Variants in DMD observed in about 807,000 individuals in gnomAD.
DMD encodes mutant dystrophin.
In DMD, 63 loss-of-function variants were observed where a neutral mutation model predicts 330.1. The observed-to-expected ratio is 0.19, with a 90% CI of 0.16 to 0.24. The LOEUF (loss-of-function observed/expected upper bound fraction) is 0.24. DMD is among the 10% of genes least tolerant of loss of function. DMD has a pLI of 1.00. For missense variants in DMD, 3,344 were observed against 2,684.1 expected (o/e 1.25, Z -5.43); for synonymous variants, 1,223 against 959.8 (o/e 1.27, Z -5.07).
At chrX:32,163,005 A>G (rs1452628185) in intron 44 of DMD, among the ~76,000 whole-genome samples, 2 of 111,347 alleles carry the variant, frequency 1.8e-5, no homozygotes, top group African/African-American at 3.3e-5. Context: ...CTTTCATCCA[A>G]CTGCACTCTT....
At chrX:32,061,872 A>G (rs1435171625) in intron 44 of DMD, among the ~76,000 whole-genome samples, 2 of 111,604 alleles carry the variant, frequency 1.8e-5, no homozygotes, top group African/African-American at 6.5e-5. Context: ...CCTATAGCTA[A>G]GAAACCAATG....
Position 32,825,486 on chromosome X carries a change from A to C in DMD, c.265-2099T>G, listed in dbSNP as rs148867261. ...ACAACAGAAGGTCACATAATAAAAA[A>C]GTATCTACCATTAGGCTCTAGCAAT... On this transcript the variant is annotated intron_variant, in intron 4 of 78. Coordinates refer to ENST00000357033, the MANE Select transcript of DMD (RefSeq NM_004006.3). Among the ~76,000 whole-genome samples, 181 of 112,131 alleles carry C rather than the reference A, an allele frequency of 1.6e-3. 1 individual carries two copies. In the East Asian group the frequency reaches 0.038, roughly 24 times the overall value.
chrX:33,078,719 G>A (rs2094881211), intron 1 of DMD, among the ~76,000 whole-genome samples: 1 of 112,050 alleles, frequency 8.9e-6, no homozygotes, highest in Admixed American at 9.5e-5. Context: ...TAAAATGTCT[G>A]TGGATGACAA....
Position 32,688,086 on chromosome X carries a change from A to G in DMD, c.960+9784T>C, listed in dbSNP as rs746910886. Among the ~76,000 whole-genome samples the G allele has an allele frequency of 3.6e-5, 4 of 112,311 alleles. No homozygotes were observed. In the South Asian group the frequency reaches 1.5e-3, roughly 42 times the overall value. On this transcript the variant is annotated intron_variant, in intron 9 of 78. Transcript: ENST00000357033. ...CATGTGGAGATCCAAACAAACTATT[A>G]ATGATTACAAATAAGCCGCCCTGAC...
intron 61 of DMD, among the ~76,000 whole-genome samples, chrX:31,323,872 GA>G (rs200476648): frequency 1.2e-4 from 12 of 104,290 alleles, no homozygotes; most frequent in Admixed American, 5.1e-4. Context: ...TAAATGCGAA[GA>G]AAAAAAAAAC....
At chrX:33,263,633 TA>T (rs2052996407) in intron 1 of DMD, among the ~76,000 whole-genome samples, 1 of 109,242 alleles carries the variant, frequency 9.2e-6, no homozygotes, top group African/African-American at 3.3e-5. Context: ...GCACCATTCA[TA>T]ATACTATTAT....
chrX:33,095,221 A>G (rs1382533730), intron 1 of DMD, among the ~76,000 whole-genome samples: 1 of 112,707 alleles, frequency 8.9e-6, no homozygotes, highest in Non-Finnish European at 1.9e-5. Context: ...ATATGTACAT[A>G]TGGAAAATAG....
At position 32,699,250 on chromosome X, in the gene DMD, G is replaced by A. The variant is rs374222301; in HGVS notation, c.693C>T (p.Tyr231=). ...GCAAAACTTGGAAGAGTGATGTGATGTACATTAAGATGGACTTCTTATCTG... is the reference window on the plus strand; with the variant it reads ...GCAAAACTTGGAAGAGTGATGTGATATACATTAAGATGGACTTCTTATCTG... ...TYPDKKSILM[Y]ITSLFQVLPQ... is the part of the protein sequence containing the mutation. Residue 231 remains tyrosine (Y), a synonymous_variant, in exon 8 of 79, where the codon TAC becomes TAT. Transcript: ENST00000357033. 11 of 1,207,313 alleles carry A rather than the reference G, an allele frequency of 9.1e-6. No homozygotes were observed. The highest frequency in any genetic ancestry group is 1.2e-5 in the Non-Finnish European group (11 of 892,944).
intron 63 of DMD, among the ~76,000 whole-genome samples, chrX:31,242,302 A>C (rs1370777635): frequency 3.0e-5 from 3 of 99,237 alleles, no homozygotes; most frequent in African/African-American, 1.1e-4. Flanking sequence ...TCTGGAGTAG[A>C]TTCTCAGAGA....
intron 44 of DMD, among the ~76,000 whole-genome samples, chrX:32,173,618 A>G (rs2096896221): frequency 9.0e-6 from 1 of 110,861 alleles, no homozygotes; most frequent in Admixed American, 9.6e-5. Flanking sequence ...TGATCTGCCC[A>G]CCTCGGCCTC....
intron 1 of DMD, among the ~76,000 whole-genome samples, chrX:33,264,306 T>G (rs2053007143): frequency 9.1e-6 from 1 of 109,452 alleles, no homozygotes; most frequent in African/African-American, 3.3e-5. Flanking sequence ...TTCAAGGGAG[T>G]AGGTGACGAA....
intron 30 of DMD, among the ~76,000 whole-genome samples, chrX:32,400,465 G>C (rs770825026): frequency 9.0e-6 from 1 of 110,863 alleles, no homozygotes; most frequent in African/African-American, 3.3e-5. Flanking sequence ...GAATGATGCT[G>C]GCCTCATAAA....
In DMD at chrX:32,144,625, A is replaced by G. The variant is rs766119289; in HGVS notation, c.6438+72291T>C. Among the ~76,000 whole-genome samples the G allele has an allele frequency of 4.4e-5, 5 of 112,490 alleles. No individual in the cohort carries two copies. In the East Asian group the frequency reaches 1.4e-3, roughly 31 times the overall value. ...GAGTACACTGATGAGGATCTTTGAGAAAATTAAAAATGAAAACAATAATAA... is the reference window on the plus strand; with the variant it reads ...GAGTACACTGATGAGGATCTTTGAGGAAATTAAAAATGAAAACAATAATAA... On this transcript the variant is annotated intron_variant, in intron 44 of 78. Coordinates refer to ENST00000357033, the MANE Select transcript of DMD (RefSeq NM_004006.3).
rs748690103 is a variant in DMD at position 32,573,795 on chromosome X, C to T, written c.1654G>A (p.Val552Ile). The change falls in exon 14 of 79, where the codon GTT (valine) becomes ATT (isoleucine). Residue 552 changes from valine (V) to isoleucine (I), a missense_variant. Coordinates refer to ENST00000357033, the MANE Select transcript of DMD (RefSeq NM_004006.3). ...NICRWTEDRWVLLQDILLKWQ... is the reference protein window; with the variant it reads ...NICRWTEDRWILLQDILLKWQ... The stretch of plus-strand genomic sequence containing the variant: ...TTGAGAAGGATGTCTTGTAAAAGAA[C>T]CCAGCGGTCTTCTGTCCATCTACAG... 2 of 1,211,594 alleles carry T rather than the reference C, an allele frequency of 1.7e-6. No individual in the cohort carries two copies. The highest frequency in any genetic ancestry group is 4.4e-5 in the Admixed American group (2 of 45,973).
chrX:33,070,142 A>T (rs748250998), intron 1 of DMD, among the ~76,000 whole-genome samples: 1 of 112,057 alleles, frequency 8.9e-6, no homozygotes, highest in South Asian at 3.7e-4. Flanking sequence ...AAGCCATTCT[A>T]ATATGTTAAA....
intron 44 of DMD, among the ~76,000 whole-genome samples, chrX:32,009,855 G>A (rs934189900): frequency 2.7e-5 from 3 of 112,095 alleles, no homozygotes; most frequent in African/African-American, 9.7e-5. Context: ...ACCACATGGT[G>A]ATAAAAATAG....
At chrX:33,028,476 A>G (rs1233490747) in intron 1 of DMD, among the ~76,000 whole-genome samples, 1 of 112,143 alleles carries the variant, frequency 8.9e-6, no homozygotes, top group Non-Finnish European at 1.9e-5. Flanking sequence ...TAAACATATT[A>G]TCGATTAGGC....
chrX:31,685,648 T>C (rs2082643666), intron 52 of DMD, among the ~76,000 whole-genome samples: 1 of 112,465 alleles, frequency 8.9e-6, no homozygotes, highest in South Asian at 3.7e-4. Context: ...TATCTGCCGT[T>C]GGCACTCATC....
intron 63 of DMD, among the ~76,000 whole-genome samples, chrX:31,258,986 A>T (rs2050247682): frequency 2.7e-5 from 3 of 110,893 alleles, no homozygotes; most frequent in South Asian, 7.6e-4. Context: ...GAATGATTCA[A>T]CTTCTATAAA....
Sources: allele counts gnomAD v4.1 joint callset (sites outside exome capture counted in the v4.1 genomes callset), GRCh38; gene constraint gnomAD v4.1.1; transcripts MANE v1.5; gene names NCBI Gene and HGNC (gene_info 2026-07-23, HGNC 2026-07-21).